The following GALNT13 variants were observed in gnomAD, a reference collection of about 807,000 sequenced individuals.
The protein encoded by GALNT13 is UDP-GalNAc:polypeptide N-acetylgalactosaminyltransferase 13.
Under a neutral mutation model 64.2 loss-of-function variants are expected in GALNT13, and 28 were observed. The observed-to-expected ratio is 0.44, with a 90% CI of 0.32 to 0.60. GALNT13 has a LOEUF of 0.60. Ranked by LOEUF, GALNT13 falls within the 20% of genes least tolerant of loss-of-function variation. The pLI is 0.05. For synonymous variants in GALNT13, 214 were observed against 224.6 expected, an observed-to-expected ratio of 0.95 and a Z score of 0.42; for missense variants, 577 against 669.8, an observed-to-expected ratio of 0.86 and a Z score of 1.53.
chr2:154,103,703 G>A (rs1370818315), intron 3 of GALNT13, among the ~76,000 whole-genome samples: 1 of 152,026 alleles, frequency 6.6e-6, no homozygotes, highest in Non-Finnish European at 1.5e-5. Context: ...ATATATGAGC[G>A]TTTGGCATTG....
the GALNT13 span, among the ~76,000 whole-genome samples, chr2:153,222,373 T>G: frequency 3.8e-5 from 1 of 26,592 alleles, no homozygotes; most frequent in South Asian, 1.9e-3. Context: ...AGGGAGGAAG[T>G]ACTTGCTGAT....
chr2:153,580,700 C>A, the GALNT13 span, among the ~76,000 whole-genome samples: 1 of 152,136 alleles, frequency 6.6e-6, no homozygotes, highest in Non-Finnish European at 1.5e-5. Flanking sequence ...AAACATGCTA[C>A]TTGCCTCCAT....
chr2:153,331,961 A>T, the GALNT13 span, among the ~76,000 whole-genome samples: 1 of 152,152 alleles, frequency 6.6e-6, no homozygotes, highest in Admixed American at 6.5e-5. Context: ...GTTTGTGTGC[A>T]TAGAAGTGCT....
At chr2:153,326,426 T>C in the GALNT13 span, among the ~76,000 whole-genome samples, 2 of 152,080 alleles carry the variant, frequency 1.3e-5, no homozygotes, top group African/African-American at 4.8e-5. Flanking sequence ...CGATGGTTCC[T>C]GACTGTTTAT....
At chr2:153,562,834 G>GT in the GALNT13 span, among the ~76,000 whole-genome samples, 3 of 151,968 alleles carry the variant, frequency 2.0e-5, no homozygotes, top group East Asian at 5.8e-4. Flanking sequence ...CACAAATTTA[G>GT]TTTTTTTGCC....
At chr2:153,635,656 C>A in the GALNT13 span, among the ~76,000 whole-genome samples, 2 of 151,884 alleles carry the variant, frequency 1.3e-5, no homozygotes, top group Non-Finnish European at 2.9e-5. Flanking sequence ...GGAACTCATT[C>A]GTATCTTTGG....
At chr2:153,113,255 C>A in the GALNT13 span, among the ~76,000 whole-genome samples, 1 of 151,998 alleles carries the variant, frequency 6.6e-6, no homozygotes, top group African/African-American at 2.4e-5. Context: ...ATTCAGAATT[C>A]TTCTGTCCAT....
chr2:153,739,483 T>A, the GALNT13 span, among the ~76,000 whole-genome samples: 1 of 150,208 alleles, frequency 6.7e-6, no homozygotes, highest in Non-Finnish European at 1.5e-5. Flanking sequence ...CTTTCATCTT[T>A]GGTCTTCTTG....
chr2:153,757,321 CAT>C, the GALNT13 span, among the ~76,000 whole-genome samples: 6 of 152,266 alleles, frequency 3.9e-5, no homozygotes, highest in Admixed American at 3.9e-4. Flanking sequence ...CCTCCACACT[CAT>C]ATATGTTGTT....
chr2:153,985,819 T>C (rs1025564963), intron 3 of GALNT13, among the ~76,000 whole-genome samples: 15 of 152,064 alleles, frequency 9.9e-5, no homozygotes, highest in African/African-American at 3.6e-4. Flanking sequence ...TTTCATTATT[T>C]ATTAAAATGC....
intron 3 of GALNT13, among the ~76,000 whole-genome samples, chr2:154,011,017 G>A (rs1047227258): frequency 4.6e-5 from 7 of 151,564 alleles, no homozygotes; most frequent in African/African-American, 1.7e-4. Flanking sequence ...ATAGCTAGTA[G>A]TCTAGCAATC....
chr2:153,830,149 T>A, the GALNT13 span, among the ~76,000 whole-genome samples: 1 of 151,978 alleles, frequency 6.6e-6, no homozygotes, highest in Non-Finnish European at 1.5e-5. Flanking sequence ...TTTGCTTTTT[T>A]AAATTTGCAT....
At chr2:153,457,105 G>A in the GALNT13 span, among the ~76,000 whole-genome samples, 5 of 152,140 alleles carry the variant, frequency 3.3e-5, no homozygotes, top group Admixed American at 6.5e-5. Context: ...CAGAGTAGTC[G>A]GGTGGCTGCC....
the GALNT13 span, among the ~76,000 whole-genome samples, chr2:153,402,579 T>C: frequency 1.3e-5 from 2 of 152,160 alleles, no homozygotes; most frequent in African/African-American, 4.8e-5. Flanking sequence ...CAGACGTAGA[T>C]TTGGTCTTTT....
the GALNT13 span, among the ~76,000 whole-genome samples, chr2:153,280,630 A>C: frequency 6.6e-6 from 1 of 152,144 alleles, no homozygotes; most frequent in South Asian, 2.1e-4. Flanking sequence ...CCCAAAAGCC[A>C]CTCATGAGTA....
the GALNT13 span, among the ~76,000 whole-genome samples, chr2:153,436,917 TA>T: frequency 2.0e-5 from 3 of 152,190 alleles, no homozygotes; most frequent in Non-Finnish European, 4.4e-5. Flanking sequence ...ATTGTGATGT[TA>T]GGGTGTCAAT....
At chr2:153,889,434 C>T (rs1291255081) in intron 1 of GALNT13, among the ~76,000 whole-genome samples, 5 of 151,830 alleles carry the variant, frequency 3.3e-5, no homozygotes, top group Non-Finnish European at 5.9e-5. Context: ...TCACCCCACA[C>T]TAACACACTC....
the GALNT13 span, chr2:153,477,952 C>G: frequency 1.1e-5 from 5 of 461,506 alleles, no homozygotes; most frequent in South Asian, 1.3e-4. Flanking sequence ...GTCGGTCTCC[C>G]CGCATTCCAA....
chr2:153,490,595 C>T, the GALNT13 span, among the ~76,000 whole-genome samples: 1 of 152,112 alleles, frequency 6.6e-6, no homozygotes, highest in Non-Finnish European at 1.5e-5. Flanking sequence ...ATACATTTTA[C>T]AAATGTTGCC....
Sources: gnomAD v4.1 joint callset for allele counts (sites outside exome capture counted in the v4.1 genomes callset) on GRCh38, gnomAD v4.1.1 for gene constraint, MANE v1.5 for transcripts, NCBI Gene and HGNC (gene_info 2026-07-23, HGNC 2026-07-21) for gene names.